CARMIL1: variants seen among roughly 807,000 people sequenced by gnomAD.
The protein encoded by CARMIL1 is capping protein regulator and myosin 1 linker 1.
Under a neutral mutation model 177.1 loss-of-function variants are expected in CARMIL1, and 90 were observed. The observed-to-expected ratio is 0.51, with a 90% CI of 0.43 to 0.61. The LOEUF is 0.61. CARMIL1 is among the 20% of genes least tolerant of loss of function. The pLI is 0.00. For missense variants in CARMIL1, 1,380 were observed against 1,667.0 expected, an observed-to-expected ratio of 0.83 and a Z score of 3.00; for synonymous variants, 577 against 606.2, an observed-to-expected ratio of 0.95 and a Z score of 0.71.
intron 11 of CARMIL1, among the ~76,000 whole-genome samples, chr6:25,477,704 A>G (rs887678433): frequency 6.6e-6 from 1 of 152,126 alleles, no homozygotes; most frequent in African/African-American, 2.4e-5. Flanking sequence ...TTAGTTTTCT[A>G]ATACTAATAT....
chr6:25,377,665 T>G (rs2150467672), intron 2 of CARMIL1, among the ~76,000 whole-genome samples: 1 of 152,320 alleles, frequency 6.6e-6, no homozygotes, highest in East Asian at 1.9e-4. Context: ...TCTCAAGTAC[T>G]GGTTGTAGTA....
At chr6:25,342,054 C>T (rs936315036) in intron 2 of CARMIL1, among the ~76,000 whole-genome samples, 4 of 152,282 alleles carry the variant, frequency 2.6e-5, no homozygotes, top group Non-Finnish European at 4.4e-5. Context: ...TTGAAAGCTG[C>T]AGTGAGTCTG....
At position 25,534,468 on chromosome 6, in the gene CARMIL1, G is replaced by A. The variant is rs540165751; in HGVS notation, c.2068-3387G>A. Among the ~76,000 whole-genome samples the A allele has an allele frequency of 6.6e-5, 10 of 151,660 alleles. 1 individual carries two copies. The South Asian group carries it at 2.1e-3, about 32-fold the overall frequency. ...GCTTGGGTTTGTTCTTTTGTTTAAC[G>A]ATCCCTTCTGTTTTTCTCAATCCGT... On this transcript the variant is annotated intron_variant, in intron 24 of 36. Transcript: ENST00000329474.
rs1448030617 is a variant in CARMIL1 at position 25,528,845 on chromosome 6, G to A, written c.2019G>A (p.Glu673=). The change falls in exon 24 of 37, where the codon GAG becomes GAA. Residue 673 remains glutamate, a synonymous_variant. Transcript: ENST00000329474. ...RNHETRKYLQ[E]QAYRLQQGIV... ...ACGAGACTAGAAAATACCTTCAAGA[G>A]CAGGCCTACCGCCTGCAGCAGGGTA... 7 of 1,610,442 alleles carry A rather than the reference G, an allele frequency of 4.3e-6. No homozygotes were observed. The highest frequency in any genetic ancestry group is 2.7e-5 in the African/African-American group (2 of 74,838).
At position 25,365,788 on chromosome 6, in the gene CARMIL1, C is replaced by T. The variant is rs774663846; in HGVS notation, c.139-54326C>T. On this transcript the variant is annotated intron_variant, in intron 2 of 36. Transcript: ENST00000329474. ...ATGGCCTCGAACTCTTGAGTTCAAG[C>T]GATCCGCCTGTTTTGGCATTCCAAA... Among the ~76,000 whole-genome samples the T allele has an allele frequency of 7.2e-5, 11 of 152,156 alleles. No individual in the cohort carries two copies. In the East Asian group the frequency reaches 9.7e-4, roughly 13 times the overall value.
At chr6:25,347,892 G>A (rs1787693840) in intron 2 of CARMIL1, among the ~76,000 whole-genome samples, 1 of 152,136 alleles carries the variant, frequency 6.6e-6, no homozygotes, top group African/African-American at 2.4e-5. Context: ...ATCAGTAGTA[G>A]CACCACTTTC....
At chr6:25,516,883 C>T (rs1181988492) in intron 21 of CARMIL1, among the ~76,000 whole-genome samples, 2 of 152,176 alleles carry the variant, frequency 1.3e-5, no homozygotes, top group African/African-American at 4.8e-5. Flanking sequence ...ATGACAGATT[C>T]TCTCTAGTGT....
intron 2 of CARMIL1, among the ~76,000 whole-genome samples, chr6:25,397,814 A>G (rs1793551795): frequency 6.6e-6 from 1 of 152,202 alleles, no homozygotes; most frequent in South Asian, 2.1e-4. Context: ...CGGGGAATAC[A>G]TGAAACGTGA....
chr6:25,492,072 T>C, intron 15 of CARMIL1, 48 bp downstream of exon 15: 1 of 1,507,934 alleles, frequency 6.6e-7, no homozygotes, highest in Non-Finnish European at 9.2e-7. Context: ...TGTCTTCTTC[T>C]GAGAAAAGTT....
intron 26 of CARMIL1, among the ~76,000 whole-genome samples, chr6:25,541,058 A>C (rs1398328368): frequency 6.6e-6 from 1 of 152,222 alleles, no homozygotes; most frequent in African/African-American, 2.4e-5. Flanking sequence ...GAGTTCTGCT[A>C]GACCATTTGT....
chr6:25,473,613 T>G (rs1801266171), intron 11 of CARMIL1, among the ~76,000 whole-genome samples: 1 of 152,174 alleles, frequency 6.6e-6, no homozygotes, highest in Non-Finnish European at 1.5e-5. Flanking sequence ...AAGAAGGCCT[T>G]AATCTTGCTG....
At chr6:25,526,150 C>CAAAT (rs71544642) in intron 23 of CARMIL1, among the ~76,000 whole-genome samples, 19,779 of 139,054 alleles carry the variant, frequency 0.14, 1,601 homozygotes, top group East Asian at 0.26. Flanking sequence ...ACTAAAAATA[C>CAAAT]AAATAAATAA....
chr6:25,559,249 A>G (rs1163601299), intron 29 of CARMIL1, among the ~76,000 whole-genome samples: 2 of 152,212 alleles, frequency 1.3e-5, no homozygotes, highest in African/African-American at 2.4e-5. Flanking sequence ...TTTCATAATC[A>G]AAGTAGCAAA....
chr6:25,556,151 G>T (rs571363279), intron 28 of CARMIL1, among the ~76,000 whole-genome samples: 1 of 152,292 alleles, frequency 6.6e-6, no homozygotes, highest in East Asian at 1.9e-4. Context: ...TTAAATCAAA[G>T]TTCCTGGTGT....
chr6:25,369,249 T>C (rs1562045490), intron 2 of CARMIL1, among the ~76,000 whole-genome samples: 1 of 152,196 alleles, frequency 6.6e-6, no homozygotes, highest in Non-Finnish European at 1.5e-5. Flanking sequence ...AACCTGGTTT[T>C]ACCCCGTAGC....
intron 29 of CARMIL1, among the ~76,000 whole-genome samples, chr6:25,571,844 A>G (rs541876783): frequency 1.8e-4 from 28 of 152,288 alleles, no homozygotes; most frequent in African/African-American, 6.7e-4. Flanking sequence ...TGGATTTATC[A>G]AGAAAGTCAC....
intron 2 of CARMIL1, chr6:25,393,445 A>G (rs994779692): frequency 8.5e-5 from 13 of 152,148 alleles, no homozygotes; most frequent in African/African-American, 3.1e-4. Flanking sequence ...AATCCCAGCT[A>G]CTTGGGAGGC....
At chr6:25,390,321 T>TGTA (rs1491117122) in intron 2 of CARMIL1, among the ~76,000 whole-genome samples, 15 of 38,200 alleles carry the variant, frequency 3.9e-4, no homozygotes, top group African/African-American at 1.4e-3. Flanking sequence ...TATATATATA[T>TGTA]TTTTTTTTTT....
intron 31 of CARMIL1, among the ~76,000 whole-genome samples, chr6:25,585,702 G>A (rs1044268215): frequency 5.9e-5 from 9 of 152,118 alleles, no homozygotes; most frequent in Non-Finnish European, 1.2e-4. Context: ...GCGGCCTTCC[G>A]CAGTGTTTGT....
Sources: gnomAD v4.1 joint callset for allele counts (sites outside exome capture counted in the v4.1 genomes callset) on GRCh38, gnomAD v4.1.1 for gene constraint, MANE v1.5 for transcripts, NCBI Gene and HGNC (gene_info 2026-07-23, HGNC 2026-07-21) for gene names.